The following AFG1L variants were observed in gnomAD, a reference collection of about 807,000 sequenced individuals.
AFG1L encodes the protein AFG1 like ATPase.
AFG1L carries 53 observed loss-of-function variants against 62.2 expected under a neutral mutation model. The observed-to-expected ratio is 0.85, with a 90% CI of 0.68 to 1.07. The LOEUF (loss-of-function observed/expected upper bound fraction) is 1.07, where lower values mean the gene tolerates loss of function less well. AFG1L is among the 50% of genes least tolerant of loss of function. AFG1L has a pLI of 0.00. For synonymous variants in AFG1L, 228 were observed against 210.3 expected (o/e 1.08, Z -0.73); for missense variants, 555 against 590.5 (o/e 0.94, Z 0.62).
At chr6:108,477,323 G>T (rs1218666366) in intron 10 of AFG1L, 31 bp downstream of exon 10, 2 of 1,319,032 alleles carry the variant, frequency 1.5e-6, no homozygotes, top group East Asian at 4.7e-5. Flanking sequence ...AGACTCACTG[G>T]CCTTTTCACA....
At chr6:108,325,600 T>G (rs1459266388) in intron 2 of AFG1L, among the ~76,000 whole-genome samples, 4 of 151,452 alleles carry the variant, frequency 2.6e-5, no homozygotes, top group Non-Finnish European at 5.9e-5. Flanking sequence ...GTCCTCCTGC[T>G]TCAGCCTCCT....
intron 7 of AFG1L, among the ~76,000 whole-genome samples, chr6:108,441,718 T>A (rs1462387031): frequency 2.2e-5 from 3 of 138,350 alleles, no homozygotes; most frequent in Admixed American, 1.4e-4. Context: ...AAAAAATATA[T>A]ATATATATAT....
chr6:108,395,403 C>CTTTTTTTTTTTTTTTTT (rs71551344), intron 6 of AFG1L, among the ~76,000 whole-genome samples: 4 of 122,940 alleles, frequency 3.3e-5, no homozygotes, highest in Non-Finnish European at 5.0e-5. Flanking sequence ...CTTTTCTTTT[C>CTTTTTTTTTTTTTTTTT]TTTTTTTTTT....
At chr6:108,420,417 A>C (rs1035364760) in intron 7 of AFG1L, among the ~76,000 whole-genome samples, 36 of 148,086 alleles carry the variant, frequency 2.4e-4, no homozygotes, top group African/African-American at 8.8e-4. Context: ...TTTATTAAAA[A>C]ATAAAAATAT....
At chr6:108,344,979 TG>T in intron 2 of AFG1L, 1 of 337,812 alleles carries the variant, frequency 3.0e-6, no homozygotes, top group South Asian at 2.3e-5. Context: ...GGCCTCCCTC[TG>T]ACAAGCTTTT....
rs1280809461 is a variant in AFG1L, at chr6:108,477,285, G to C, written c.1055G>C (p.Cys352Ser). The change falls in exon 10 of 13, where the codon TGT becomes TCT. Residue 352 changes from cysteine (C) to serine (S), a missense_variant. Coordinates refer to ENST00000368977, the MANE Select transcript of AFG1L (RefSeq NM_145315.5). ...GCCGACTGCACATTTGAAGAGCTGT[G>C]TGAGAGAGTAAGTATCCAGGCACGT... ...TVADCTFEEL[C>S]ERPLGASDYL... The C allele has an allele frequency of 2.5e-6, 4 of 1,599,184 alleles. No homozygotes were observed. In the African/African-American group the frequency reaches 5.4e-5, roughly 21 times the overall value.
At position 108,467,505 on chromosome 6, in the gene AFG1L, C is replaced by T. The variant is rs1772722730; in HGVS notation, c.891-9360C>T. Among the ~76,000 whole-genome samples, 7 of 152,154 alleles carry T rather than the reference C, an allele frequency of 4.6e-5. No homozygotes were observed. The South Asian group carries it at 1.5e-3, about 32-fold the overall frequency. Reference sequence around the variant, plus strand: ...TCAGGTGATCCACCCACCTCAGCCTCCCAAAGTGCTGGGATTACAGGTGTG... The same window carrying T: ...TCAGGTGATCCACCCACCTCAGCCTTCCAAAGTGCTGGGATTACAGGTGTG... On this transcript the variant is annotated intron_variant, in intron 8 of 12. Transcript: ENST00000368977.
At chr6:108,399,757 G>A (rs1034770479) in intron 6 of AFG1L, among the ~76,000 whole-genome samples, 3 of 140,382 alleles carry the variant, frequency 2.1e-5, no homozygotes, top group African/African-American at 5.3e-5. Context: ...GGTGGGGTGT[G>A]GAAGTATCTC....
rs202224017 is a variant in AFG1L, at chr6:108,334,315, A to AT, written c.363+10276dup. Among the ~76,000 whole-genome samples, 1,178 of 150,868 alleles carry AT rather than the reference A, an allele frequency of 7.8e-3. 10 individuals carry two copies. Among genetic ancestry groups the AT allele is most frequent in the African/African-American group, 0.027 (1,124 of 41,136 alleles). ...CCACTGTGCCTGGCAGGGTTAATTG[A>AT]TTTTTTTTTCATTTTGAAAAAATTA... On this transcript the variant is annotated intron_variant, in intron 2 of 12. Coordinates refer to ENST00000368977, the MANE Select transcript of AFG1L (RefSeq NM_145315.5).
intron 1 of AFG1L, among the ~76,000 whole-genome samples, chr6:108,316,242 G>A (rs1777589472): frequency 1.3e-5 from 2 of 148,354 alleles, no homozygotes; most frequent in Admixed American, 1.3e-4. Flanking sequence ...TTAGCCGGGC[G>A]TAGTGGCGGG....
intron 7 of AFG1L, among the ~76,000 whole-genome samples, chr6:108,415,417 A>G (rs976628152): frequency 1.3e-5 from 2 of 152,198 alleles, no homozygotes; most frequent in African/African-American, 4.8e-5. Flanking sequence ...ATTGGAAAAG[A>G]CTACTTTAAA....
rs770177284 is a variant in AFG1L, at chr6:108,519,760, A to G, written c.1267A>G (p.Ser423Gly). 6 of 1,613,538 alleles carry G rather than the reference A, an allele frequency of 3.7e-6. No homozygotes were observed. The South Asian group carries it at 6.6e-5, about 18-fold the overall frequency. ...SSLFLHQHHD[S>G]ELEQSRILMD... ...CTTATTTTTGCATCAACATCATGAC[A>G]GTGAGTTGGAGCAAAGCAGAATACT... The change falls in exon 12 of 13, where the codon AGT becomes GGT. Residue 423 changes from serine (S) to glycine (G), a missense_variant. Ser to Gly is a moderately conservative substitution (Grantham distance 56, BLOSUM62 0). Transcript: ENST00000368977.
At chr6:108,349,158 G>A (rs182435553) in intron 3 of AFG1L, among the ~76,000 whole-genome samples, 1 of 152,098 alleles carries the variant, frequency 6.6e-6, no homozygotes, top group Non-Finnish European at 1.5e-5. Context: ...ACATTTTGGT[G>A]GCTATAATAA....
chr6:108,400,300 C>T (rs917755338), intron 6 of AFG1L, among the ~76,000 whole-genome samples: 56 of 151,930 alleles, frequency 3.7e-4, no homozygotes, highest in African/African-American at 1.3e-3. Context: ...AGTTTTCCCC[C>T]ATTTCGTATG....
intron 3 of AFG1L, among the ~76,000 whole-genome samples, chr6:108,347,568 A>G (rs1364465180): frequency 6.6e-6 from 1 of 152,166 alleles, no homozygotes; most frequent in Non-Finnish European, 1.5e-5. Context: ...AGACTCACAT[A>G]TTGCTGGAAA....
At chr6:108,295,920 A>G (rs1423456997) in intron 1 of AFG1L, 3 of 152,194 alleles carry the variant, frequency 2.0e-5, no homozygotes, top group Non-Finnish European at 2.9e-5. Flanking sequence ...ACTTAGCGCA[A>G]TGATTGGTAC....
chr6:108,328,100 C>T (rs1390718559), intron 2 of AFG1L, among the ~76,000 whole-genome samples: 1 of 151,954 alleles, frequency 6.6e-6, no homozygotes, highest in Non-Finnish European at 1.5e-5. Context: ...GAGTAAAGAA[C>T]CAAAAAATTT....
At chr6:108,505,410 AT>A (rs1033080767) in intron 10 of AFG1L, among the ~76,000 whole-genome samples, 6 of 151,726 alleles carry the variant, frequency 4.0e-5, no homozygotes, top group Admixed American at 2.0e-4. Context: ...TTCTATATGT[AT>A]TTTTTTTCAA....
At chr6:108,295,425 C>G (rs181585424) in intron 1 of AFG1L, among the ~76,000 whole-genome samples, 1 of 152,296 alleles carries the variant, frequency 6.6e-6, no homozygotes, top group Admixed American at 6.5e-5. Flanking sequence ...GAGTGACTTT[C>G]ATTTTGAGGG....
Sources: gnomAD v4.1 joint callset for allele counts (sites outside exome capture counted in the v4.1 genomes callset) on GRCh38, gnomAD v4.1.1 for gene constraint, MANE v1.5 for transcripts, NCBI Gene and HGNC (gene_info 2026-07-23, HGNC 2026-07-21) for gene names.